Variants in ASIC2 observed in about 807,000 individuals in gnomAD.
ASIC2 encodes acid-sensing ion channel 2.
Under a neutral mutation model 57.3 loss-of-function variants are expected in ASIC2, and 25 were observed. The observed-to-expected ratio is 0.44, with a 90% CI of 0.32 to 0.61. The LOEUF is 0.61. ASIC2 is among the 20% of genes least tolerant of loss of function. ASIC2 has a pLI of 0.06. For missense variants in ASIC2, 641 were observed against 738.1 expected, an observed-to-expected ratio of 0.87 and a Z score of 1.52; for synonymous variants, 319 against 307.5, an observed-to-expected ratio of 1.04 and a Z score of -0.39.
chr17:33,952,220 A>T (rs1904600657), intron 1 of ASIC2, among the ~76,000 whole-genome samples: 1 of 152,128 alleles, frequency 6.6e-6, no homozygotes, highest in African/African-American at 2.4e-5. Flanking sequence ...GCTCATTCTA[A>T]TATGCTTCCA....
chr17:33,804,755 A>G (rs970592487), intron 1 of ASIC2, among the ~76,000 whole-genome samples: 1 of 152,150 alleles, frequency 6.6e-6, no homozygotes, highest in African/African-American at 2.4e-5. Flanking sequence ...CTCCTTTATC[A>G]GTCTCCTGGA....
chr17:33,931,775 C>T (rs1413178894), intron 1 of ASIC2, among the ~76,000 whole-genome samples: 1 of 152,204 alleles, frequency 6.6e-6, no homozygotes, highest in Non-Finnish European at 1.5e-5. Context: ...GCTAGAAGGG[C>T]CTTCTGAACA....
chr17:33,183,562 G>T (rs1052192620), intron 1 of ASIC2, among the ~76,000 whole-genome samples: 1 of 152,224 alleles, frequency 6.6e-6, no homozygotes, highest in Non-Finnish European at 1.5e-5. Context: ...GAGACTCAAA[G>T]TTCTCAGTAG....
intron 1 of ASIC2, among the ~76,000 whole-genome samples, chr17:33,399,390 CAGG>C (rs1452753868): frequency 6.6e-6 from 1 of 152,190 alleles, no homozygotes. Context: ...GAGGGACGAT[CAGG>C]AGGAGGGCTT....
intron 1 of ASIC2, among the ~76,000 whole-genome samples, chr17:34,023,920 A>G (rs1446727103): frequency 6.6e-6 from 1 of 152,224 alleles, no homozygotes; most frequent in African/African-American, 2.4e-5. Context: ...AATGTTTGTT[A>G]TAACTTACTG....
At chr17:34,023,814 A>G (rs1459533138) in intron 1 of ASIC2, among the ~76,000 whole-genome samples, 4 of 152,238 alleles carry the variant, frequency 2.6e-5, no homozygotes, top group African/African-American at 9.6e-5. Context: ...ATTTTGTTTT[A>G]GCTGCACAAA....
chr17:33,925,391 C>T (rs189894290), intron 1 of ASIC2, among the ~76,000 whole-genome samples: 65 of 152,354 alleles, frequency 4.3e-4, no homozygotes, highest in African/African-American at 1.4e-3. Context: ...TTCAAATGAC[C>T]ATTGAGTCCC....
chr17:33,595,332 G>T (rs1188996502), intron 1 of ASIC2, among the ~76,000 whole-genome samples: 1 of 152,236 alleles, frequency 6.6e-6, no homozygotes, highest in Non-Finnish European at 1.5e-5. Flanking sequence ...GGGTTATTAG[G>T]TCTGGAGTAA....
intron 1 of ASIC2, among the ~76,000 whole-genome samples, chr17:33,745,827 C>T (rs894691009): frequency 2.0e-5 from 3 of 151,934 alleles, no homozygotes; most frequent in Non-Finnish European, 4.4e-5. Flanking sequence ...AGTAAATAAG[C>T]CTAGATGGAA....
At chr17:33,799,435 T>TTTCTTTCTTTCTTTC (rs1567719079) in intron 1 of ASIC2, among the ~76,000 whole-genome samples, 245 of 42,848 alleles carry the variant, frequency 5.7e-3, no homozygotes, top group South Asian at 0.013. Flanking sequence ...TTCTTCTTTC[T>TTTCTTTCTTTCTTTC]TTCTTTCTTT....
chr17:33,170,924 T>G (rs1905493909), intron 1 of ASIC2, among the ~76,000 whole-genome samples: 1 of 152,226 alleles, frequency 6.6e-6, no homozygotes, highest in Non-Finnish European at 1.5e-5. Context: ...GAACCCAACA[T>G]ATGGCACCCC....
At chr17:33,325,513 T>G (rs1232035510) in intron 1 of ASIC2, among the ~76,000 whole-genome samples, 1 of 152,050 alleles carries the variant, frequency 6.6e-6, no homozygotes. Flanking sequence ...GCATGGGGAA[T>G]GGAGAATGCC....
intron 1 of ASIC2, among the ~76,000 whole-genome samples, chr17:33,591,011 T>C (rs1320315544): frequency 6.6e-6 from 1 of 152,214 alleles, no homozygotes; most frequent in Non-Finnish European, 1.5e-5. Flanking sequence ...AGTCTGGTCA[T>C]TGGCTTCATT....
intron 1 of ASIC2, among the ~76,000 whole-genome samples, chr17:33,200,923 C>T (rs1014775111): frequency 6.6e-6 from 1 of 152,088 alleles, no homozygotes; most frequent in Non-Finnish European, 1.5e-5. Flanking sequence ...TCTTTGGGAA[C>T]CCCAGGCAAG....
chr17:33,404,901 C>A (rs1006591296), intron 1 of ASIC2, among the ~76,000 whole-genome samples: 1 of 152,094 alleles, frequency 6.6e-6, no homozygotes, highest in Non-Finnish European at 1.5e-5. Context: ...ATAGCAAGTA[C>A]CCTATAGAAT....
In ASIC2 at chr17:33,117,498, C is replaced by T. The variant is rs140329642; in HGVS notation, c.709-5431G>A. Among the ~76,000 whole-genome samples, 1,050 of 152,222 alleles carry T rather than the reference C, an allele frequency of 6.9e-3. 11 individuals are homozygous for T. The highest frequency in any genetic ancestry group is 0.024 in the African/African-American group (987 of 41,542). On this transcript the variant is annotated intron_variant, in intron 1 of 9. Coordinates refer to ENST00000225823, the MANE Select transcript of ASIC2 (RefSeq NM_183377.2). ...GCCCTCCTCATTCTTGATTATTGTC[C>T]CAACCACCCGGAAGTAGAGGCATTT...
At chr17:33,808,405 C>T (rs1265031234) in intron 1 of ASIC2, among the ~76,000 whole-genome samples, 2 of 152,188 alleles carry the variant, frequency 1.3e-5, no homozygotes, top group African/African-American at 4.8e-5. Context: ...TTTGCCAATA[C>T]CACATGTGTC....
At chr17:33,793,385 A>T (rs1166240988) in intron 1 of ASIC2, 1 of 152,256 alleles carries the variant, frequency 6.6e-6, no homozygotes, top group Admixed American at 6.5e-5. Flanking sequence ...ACTTCTGCTA[A>T]ACATTTGCAC....
At chr17:33,076,646 G>A (rs16967996) in intron 3 of ASIC2, among the ~76,000 whole-genome samples, 2,820 of 152,228 alleles carry the variant, frequency 0.019, 86 homozygotes, top group African/African-American at 0.064. Context: ...TTTAGGGTGT[G>A]GGTATTTTTA....
Sources: allele counts gnomAD v4.1 joint callset (sites outside exome capture counted in the v4.1 genomes callset), GRCh38; gene constraint gnomAD v4.1.1; transcripts MANE v1.5; gene names NCBI Gene and HGNC (gene_info 2026-07-23, HGNC 2026-07-21).